The following ZNF503 variants were observed in gnomAD, a reference collection of about 807,000 sequenced individuals.
The protein encoded by ZNF503 is NocA-like zinc finger 2.
A neutral mutation model predicts 34.4 loss-of-function variants in ZNF503; 15 were observed. That is an observed-to-expected ratio of 0.44 (90% CI 0.29 to 0.67). The LOEUF (loss-of-function observed/expected upper bound fraction) is 0.67, where lower values mean the gene tolerates loss of function less well. Ranked by LOEUF, ZNF503 falls within the 30% of genes least tolerant of loss-of-function variation. The pLI, the probability that ZNF503 is intolerant of heterozygous loss-of-function variation, is 0.13. For missense variants in ZNF503, 1,007 were observed against 926.8 expected (o/e 1.09, Z -1.12); for synonymous variants, 580 against 456.8 (o/e 1.27, Z -3.44).
the ZNF503 span, among the ~76,000 whole-genome samples, chr10:75,315,741 A>G: frequency 6.6e-6 from 1 of 152,250 alleles, no homozygotes; most frequent in Non-Finnish European, 1.5e-5. Context: ...TTATCTATCA[A>G]TAATTATTTT....
chr10:75,315,878 A>G, the ZNF503 span, among the ~76,000 whole-genome samples: 2 of 152,336 alleles, frequency 1.3e-5, no homozygotes, highest in Middle Eastern at 3.4e-3. Flanking sequence ...ACAGATTGAA[A>G]GTGAAGGGAT....
chr10:75,300,643 A>G, the ZNF503 span, among the ~76,000 whole-genome samples: 2 of 151,762 alleles, frequency 1.3e-5, no homozygotes, highest in African/African-American at 4.8e-5. Context: ...GGCTTCAGCC[A>G]GTCCCTCCGT....
chr10:75,321,397 G>A, the ZNF503 span, among the ~76,000 whole-genome samples: 1 of 152,138 alleles, frequency 6.6e-6, no homozygotes, highest in Non-Finnish European at 1.5e-5. Flanking sequence ...CTGAAAATGT[G>A]GAAACAGCTT....
chr10:75,322,291 T>C, the ZNF503 span, among the ~76,000 whole-genome samples: 1 of 151,894 alleles, frequency 6.6e-6, no homozygotes, highest in Non-Finnish European at 1.5e-5. Context: ...GCCCTGCTAA[T>C]TTTTTGTATT....
At chr10:75,298,368 A>G in the ZNF503 span, among the ~76,000 whole-genome samples, 2 of 152,176 alleles carry the variant, frequency 1.3e-5, no homozygotes, top group African/African-American at 4.8e-5. Context: ...CCCTCCCTTT[A>G]GTCCTGGAAA....
At chr10:75,363,967 TG>T in the ZNF503 span, among the ~76,000 whole-genome samples, 22 of 152,334 alleles carry the variant, frequency 1.4e-4, no homozygotes, top group Admixed American at 9.8e-4. Flanking sequence ...CCATGGCAGG[TG>T]GCACTGACTA....
the ZNF503 span, among the ~76,000 whole-genome samples, chr10:75,332,055 C>T: frequency 1.3e-4 from 20 of 151,968 alleles, no homozygotes; most frequent in African/African-American, 4.6e-4. Flanking sequence ...ATGTTTCTGA[C>T]TGTTTTTAAA....
the ZNF503 span, among the ~76,000 whole-genome samples, chr10:75,319,219 G>A: frequency 2.0e-5 from 3 of 152,266 alleles, no homozygotes; most frequent in Admixed American, 6.5e-5. Context: ...CTCCCAAAGT[G>A]CTGGGATTAC....
the ZNF503 span, among the ~76,000 whole-genome samples, chr10:75,284,341 G>A: frequency 2.0e-5 from 3 of 151,576 alleles, no homozygotes; most frequent in African/African-American, 4.9e-5. Flanking sequence ...CAGACAGTAG[G>A]GAGGAGAGGC....
the ZNF503 span, among the ~76,000 whole-genome samples, chr10:75,305,625 T>G: frequency 6.6e-6 from 1 of 152,156 alleles, no homozygotes; most frequent in East Asian, 1.9e-4. Flanking sequence ...TTCAAAATTC[T>G]TTTAACCTTA....
the ZNF503 span, among the ~76,000 whole-genome samples, chr10:75,292,519 G>T: frequency 6.6e-6 from 1 of 152,192 alleles, no homozygotes; most frequent in African/African-American, 2.4e-5. Context: ...TGGGGTCCTA[G>T]CCTTACTATA....
chr10:75,352,543 G>C, the ZNF503 span, among the ~76,000 whole-genome samples: 1 of 152,196 alleles, frequency 6.6e-6, no homozygotes, highest in Admixed American at 6.5e-5. Flanking sequence ...TCCACTTGAC[G>C]TGAGCCTCTC....
chr10:75,285,332 G>A, the ZNF503 span, among the ~76,000 whole-genome samples: 86 of 152,290 alleles, frequency 5.6e-4, no homozygotes, highest in East Asian at 0.012. Flanking sequence ...TCTAAACCCT[G>A]ACACCAGATT....
chr10:75,362,106 T>C, the ZNF503 span, among the ~76,000 whole-genome samples: 1 of 152,152 alleles, frequency 6.6e-6, no homozygotes. Context: ...GGCTTCTTAA[T>C]AAAAACAGCA....
the ZNF503 span, among the ~76,000 whole-genome samples, chr10:75,380,445 C>T: frequency 1.5e-4 from 23 of 152,270 alleles, no homozygotes; most frequent in South Asian, 4.8e-3. Context: ...AGCACGGTAC[C>T]TATAGGCCAC....
the ZNF503 span, among the ~76,000 whole-genome samples, chr10:75,295,157 G>C: frequency 6.6e-6 from 1 of 151,796 alleles, no homozygotes; most frequent in Non-Finnish European, 1.5e-5. The surrounding 1 kb of genome is among the most constrained non-coding windows in gnomAD (Gnocchi z 4.0). Flanking sequence ...CTGTCACGCC[G>C]GGCCCGCGAC....
the ZNF503 span, among the ~76,000 whole-genome samples, chr10:75,318,291 G>GC: frequency 1.3e-5 from 2 of 152,154 alleles, no homozygotes; most frequent in Non-Finnish European, 2.9e-5. Context: ...TCCAAGAGCT[G>GC]CAAGTAAATA....
At chr10:75,385,457 C>T in the ZNF503 span, among the ~76,000 whole-genome samples, 1 of 152,204 alleles carries the variant, frequency 6.6e-6, no homozygotes, top group South Asian at 2.1e-4. Context: ...GCTGGGGCGG[C>T]CCAAAGCCTG....
chr10:75,399,345 C>G lies in ZNF503; in HGVS notation c.1345G>C (p.Ala449Pro). Residue 449 changes from alanine (A) to proline (P), a missense_variant, in exon 2 of 2, where the codon GCT becomes CCT. By Grantham distance (27) the Ala-to-Pro change is conservative. Coordinates refer to ENST00000372524, the MANE Select transcript of ZNF503 (RefSeq NM_032772.6). ...SHLAGAAAASASCAHDPAAAA... is the reference protein window; with the variant it reads ...SHLAGAAAASPSCAHDPAAAA... ...GCAGCCGGATCATGTGCGCAAGAAG[C>G]GCTGGCGGCCGCCGCCCCTGCCAGG... 6.2e-6 allele frequency: 10 copies of G among 1,603,922 alleles called. No homozygotes were observed. Among genetic ancestry groups the G allele is most frequent in the Non-Finnish European group, 8.5e-6 (10 of 1,177,458 alleles).
Sources: allele counts gnomAD v4.1 joint callset (sites outside exome capture counted in the v4.1 genomes callset), GRCh38; gene constraint gnomAD v4.1.1; non-coding constraint Gnocchi (gnomAD v3.1); transcripts MANE v1.5; gene names NCBI Gene and HGNC (gene_info 2026-07-23, HGNC 2026-07-21).